MAJIN: variants seen among roughly 807,000 people sequenced by gnomAD.
The protein encoded by MAJIN is membrane anchored junction protein.
Under a neutral mutation model 30.2 loss-of-function variants are expected in MAJIN, and 27 were observed. The ratio of observed to expected loss-of-function variants is 0.89; its 90% CI spans 0.66 to 1.23. The LOEUF (loss-of-function observed/expected upper bound fraction) is 1.23, where lower values mean the gene tolerates loss of function less well. Ranked by LOEUF, MAJIN falls within the 50% of genes most tolerant of loss-of-function variation. MAJIN has a pLI of 0.00. For missense variants in MAJIN, 253 were observed against 260.3 expected, an observed-to-expected ratio of 0.97 and a Z score of 0.19; for synonymous variants, 78 against 91.6, an observed-to-expected ratio of 0.85 and a Z score of 0.85.
chr11:64,951,391 TG>T (rs1565130878), intron 4 of MAJIN, among the ~76,000 whole-genome samples: 1 of 152,170 alleles, frequency 6.6e-6, no homozygotes, highest in Non-Finnish European at 1.5e-5. Context: ...TAAATTTCTG[TG>T]GGGAAAAAAG....
Position 64,950,387 on chromosome 11 carries a change from G to C in MAJIN, c.191C>G (p.Pro64Arg). ...VVLGNLDNLQ[P>R]FATEHFIVFP... is the part of the protein sequence containing the mutation. ...TACAATGAAGTGTTCTGTAGCAAAG[G>C]GCTGAAGATTGTCCAAGTTTCCCAA... Residue 64 changes from proline to arginine, a missense_variant, in exon 5 of 11, where the codon CCC becomes CGC. By Grantham distance (103) the Pro-to-Arg change is moderately radical. Coordinates refer to ENST00000301896, the MANE Select transcript of MAJIN (RefSeq NM_001037225.3). 6.2e-7 allele frequency: 1 copy of C among 1,610,552 alleles called. No individual in the cohort carries two copies. Among genetic ancestry groups the C allele is most frequent in the Non-Finnish European group, 8.5e-7 (1 of 1,178,298 alleles).
rs1411747746 is a variant in MAJIN, at chr11:64,959,314, T to TGAAA, written c.91_92insTTTC (p.Lys31IlefsTer12). The TGAAA allele has an allele frequency of 6.2e-6, 10 of 1,611,958 alleles. No homozygotes were observed. In the Admixed American group the frequency reaches 1.7e-4, roughly 27 times the overall value. On this transcript the variant is annotated frameshift_variant, in exon 3 of 11. Coordinates refer to ENST00000301896, the MANE Select transcript of MAJIN (RefSeq NM_001037225.3). LOFTEE classifies it high-confidence loss of function. ...CTACCTTTGAAATTACCTGATACTC[T>TGAAA]TCCCATATCTGATTTTGAATTTATA...
intron 1 of MAJIN, among the ~76,000 whole-genome samples, chr11:64,964,393 T>C (rs2136817191): frequency 6.6e-6 from 1 of 152,218 alleles, no homozygotes; most frequent in East Asian, 1.9e-4. Context: ...GGAAGTGACT[T>C]CTCCAAAGAA....
At chr11:64,961,383 T>G (rs538029286) in intron 1 of MAJIN, among the ~76,000 whole-genome samples, 4 of 151,754 alleles carry the variant, frequency 2.6e-5, no homozygotes, top group Non-Finnish European at 5.9e-5. Flanking sequence ...GCCAGACTGG[T>G]CTTGAAGTCC....
chr11:64,949,909 G>A, intron 5 of MAJIN, 41 bp from the exon 6 acceptor site: 1 of 1,593,014 alleles, frequency 6.3e-7, no homozygotes, highest in Non-Finnish European at 8.5e-7. Flanking sequence ...ATGCCAGTAT[G>A]CATTCCTAAG....
At chr11:64,963,537 A>T (rs1945759489) in intron 1 of MAJIN, among the ~76,000 whole-genome samples, 1 of 152,230 alleles carries the variant, frequency 6.6e-6, no homozygotes, top group Admixed American at 6.5e-5. Context: ...ATAAGCACTT[A>T]TTCAAAATAC....
chr11:64,948,602 CATATATATATATATATATATATATATAT>C (rs1554970962), intron 6 of MAJIN, among the ~76,000 whole-genome samples: 1 of 19,420 alleles, frequency 5.1e-5, no homozygotes, highest in African/African-American at 2.3e-4. Context: ...CGGGCTACAT[CATATATATATATATATATATATATATAT>C]ATATATATAT....
In MAJIN at chr11:64,938,312, A is replaced by G. The variant is rs1487301608; in HGVS notation, c.*263T>C. ...CTAAACCGGCCCTCAGGACATGAAC[A>G]TTTTAGAAAGTTCCATTCTTAATGT... On this transcript the variant is annotated 3_prime_UTR_variant, in exon 11 of 11. Transcript: ENST00000301896. 1 of 551,862 alleles carries G rather than the reference A, an allele frequency of 1.8e-6. No homozygotes were observed. The highest frequency in any genetic ancestry group is 3.2e-6 in the Non-Finnish European group (1 of 313,568). The allele number at this position is 551,862 out of a possible 1,614,324, so 34.2% of individuals were successfully genotyped here.
intron 8 of MAJIN, among the ~76,000 whole-genome samples, 187 bp from the exon 9 acceptor site, chr11:64,940,833 T>C (rs2136713298): frequency 8.6e-6 from 1 of 116,664 alleles, no homozygotes; most frequent in African/African-American, 4.0e-5. Context: ...CTTTTTTTCT[T>C]TCTTTTTTTT....
At chr11:64,963,654 A>G (rs571914297) in intron 1 of MAJIN, among the ~76,000 whole-genome samples, 1 of 152,174 alleles carries the variant, frequency 6.6e-6, no homozygotes, top group Non-Finnish European at 1.5e-5. Context: ...GCTGGCCAAC[A>G]TGGTGAAACC....
At chr11:64,959,207 T>C in intron 3 of MAJIN, 98 bp downstream of exon 3, 1 of 825,482 alleles carries the variant, frequency 1.2e-6, no homozygotes. Context: ...ACTTTACCAG[T>C]CTCCTGAACT....
intron 1 of MAJIN, among the ~76,000 whole-genome samples, chr11:64,966,144 T>TAAAAAA (rs1945804233): frequency 1.9e-4 from 2 of 10,388 alleles, no homozygotes; most frequent in Non-Finnish European, 5.6e-4. Flanking sequence ...AGATTAAAAA[T>TAAAAAA]GAAAAAAAAA....
At chr11:64,962,370 A>T (rs1348754946) in intron 1 of MAJIN, among the ~76,000 whole-genome samples, 1 of 152,216 alleles carries the variant, frequency 6.6e-6, no homozygotes, top group African/African-American at 2.4e-5. Context: ...AAACAACCAC[A>T]TAGGAGTAAT....
chr11:64,960,622 A>ATAATATC (rs1338902579), intron 1 of MAJIN, among the ~76,000 whole-genome samples: 1 of 152,234 alleles, frequency 6.6e-6, no homozygotes, highest in Non-Finnish European at 1.5e-5. Flanking sequence ...AAAACAAGAC[A>ATAATATC]ATAAACATAA....
intron 8 of MAJIN, among the ~76,000 whole-genome samples, chr11:64,944,642 G>C (rs1431447910): frequency 6.6e-6 from 1 of 152,176 alleles, no homozygotes; most frequent in Non-Finnish European, 1.5e-5. Context: ...CTGGGCAACA[G>C]AGTGTGACCC....
intron 8 of MAJIN, among the ~76,000 whole-genome samples, chr11:64,942,104 GTTA>G (rs1945388026): frequency 6.6e-6 from 1 of 151,880 alleles, no homozygotes; most frequent in South Asian, 2.1e-4. Context: ...CAGAAATATG[GTTA>G]TTATATTTTC....
intron 6 of MAJIN, 83 bp downstream of exon 6, chr11:64,949,660 C>A: frequency 2.0e-6 from 3 of 1,524,508 alleles, no homozygotes; most frequent in Non-Finnish European, 2.7e-6. Flanking sequence ...GGAGCCTAAT[C>A]TGGTAGCCCC....
chr11:64,965,321 G>C (rs938704324), intron 1 of MAJIN, among the ~76,000 whole-genome samples: 3 of 152,060 alleles, frequency 2.0e-5, no homozygotes, highest in African/African-American at 7.2e-5. Flanking sequence ...TTGGGGGTAG[G>C]GGGGATAACT....
chr11:64,957,105 TCTCA>T (rs1294817928), intron 3 of MAJIN, among the ~76,000 whole-genome samples: 1 of 150,236 alleles, frequency 6.7e-6, no homozygotes, highest in Non-Finnish European at 1.5e-5. Flanking sequence ...TGAGACAAGG[TCTCA>T]CTCTGTTCCC....
Sources: allele counts gnomAD v4.1 joint callset (sites outside exome capture counted in the v4.1 genomes callset), GRCh38; gene constraint gnomAD v4.1.1; transcripts MANE v1.5; gene names NCBI Gene and HGNC (gene_info 2026-07-23, HGNC 2026-07-21).